The following UNC13C variants were observed in gnomAD, a reference collection of about 807,000 sequenced individuals.
The protein encoded by UNC13C is unc-13 homolog C.
A neutral mutation model predicts 245.4 loss-of-function variants in UNC13C; 174 were observed. The observed-to-expected ratio is 0.71, with a 90% confidence interval of 0.63 to 0.80. UNC13C has a LOEUF of 0.80. UNC13C is among the 30% of genes least tolerant of loss of function. The pLI is 0.00. For synonymous variants in UNC13C, 992 were observed against 895.1 expected (o/e 1.11, Z -1.93); for missense variants, 2,829 against 2,602.9 (o/e 1.09, Z -1.89).
At chr15:54,359,892 A>G (rs1192950917) in intron 17 of UNC13C, among the ~76,000 whole-genome samples, 9 of 151,494 alleles carry the variant, frequency 5.9e-5, no homozygotes, top group African/African-American at 2.2e-4. Flanking sequence ...TATTAAGTTT[A>G]GTTGGTTTTT....
chr15:54,188,786 A>G lies in UNC13C; in HGVS notation c.3071+45102A>G, dbSNP rs546796359. Among the ~76,000 whole-genome samples, 8 of 152,118 alleles carry G rather than the reference A, an allele frequency of 5.3e-5. No homozygotes were observed. In the East Asian group the frequency reaches 1.3e-3, roughly 26 times the overall value. On this transcript the variant is annotated intron_variant, in intron 4 of 32. Coordinates refer to ENST00000260323, the MANE Select transcript of UNC13C (RefSeq NM_001080534.3). ...ATGATCCCTATTTATTAGATACCCT[A>G]TTTGAGGAATTGCATTTATTGGAAA...
chr15:54,427,169 C>G (rs936094624), intron 19 of UNC13C, among the ~76,000 whole-genome samples: 1 of 151,630 alleles, frequency 6.6e-6, no homozygotes, highest in African/African-American at 2.4e-5. Context: ...TGGCTGTGTC[C>G]CCACTGAAAC....
chr15:54,490,443 A>G (rs1204643514), intron 19 of UNC13C, among the ~76,000 whole-genome samples: 1 of 152,176 alleles, frequency 6.6e-6, no homozygotes, highest in East Asian at 1.9e-4. Flanking sequence ...GGGAGTTTGC[A>G]GAGTCCAGGA....
intron 25 of UNC13C, among the ~76,000 whole-genome samples, chr15:54,529,515 G>T (rs1262994494): frequency 6.6e-6 from 1 of 152,118 alleles, no homozygotes; most frequent in Non-Finnish European, 1.5e-5. Context: ...TGCCTGTTCT[G>T]TTCATTGATA....
rs536395766 is a variant in UNC13C at position 54,586,252 on chromosome 15, A to G, written c.6106+18305A>G. Among the ~76,000 whole-genome samples the G allele has an allele frequency of 6.6e-5, 10 of 152,352 alleles. No individual in the cohort carries two copies. In the South Asian group the frequency reaches 2.1e-3, roughly 32 times the overall value. On this transcript the variant is annotated intron_variant, in intron 30 of 32. Transcript: ENST00000260323. ...TTTCCTTACTTTTAACATGGAGAACATATTAGTCATATATTCCTTATAGGC... is the reference window on the plus strand; with the variant it reads ...TTTCCTTACTTTTAACATGGAGAACGTATTAGTCATATATTCCTTATAGGC...
intron 19 of UNC13C, among the ~76,000 whole-genome samples, chr15:54,451,722 T>C (rs1199042156): frequency 6.6e-6 from 1 of 152,248 alleles, no homozygotes; most frequent in Non-Finnish European, 1.5e-5. Context: ...CTGACCTTAT[T>C]TAATATCATT....
At chr15:54,237,738 A>T (rs768381382) in intron 7 of UNC13C, 48 bp downstream of exon 7, 7 of 1,424,356 alleles carry the variant, frequency 4.9e-6, no homozygotes, top group South Asian at 1.2e-5. Context: ...ATTGCTCATA[A>T]TCACAAGGGA....
chr15:54,395,672 A>T (rs1418670772), intron 18 of UNC13C, among the ~76,000 whole-genome samples: 1 of 151,858 alleles, frequency 6.6e-6, no homozygotes, highest in Non-Finnish European at 1.5e-5. Flanking sequence ...ATCCCTGATT[A>T]TTGATTCAGA....
chr15:53,899,564 C>A, the UNC13C span, among the ~76,000 whole-genome samples: 2 of 152,078 alleles, frequency 1.3e-5, no homozygotes, highest in Non-Finnish European at 2.9e-5. Flanking sequence ...CCAAAATGAG[C>A]GCTTAGCTGA....
At chr15:53,932,135 C>G in the UNC13C span, among the ~76,000 whole-genome samples, 1 of 151,950 alleles carries the variant, frequency 6.6e-6, no homozygotes, top group Admixed American at 6.6e-5. Flanking sequence ...ATGGTGAAAC[C>G]CCATCTCTAC....
chr15:53,895,423 A>G, the UNC13C span, among the ~76,000 whole-genome samples: 1 of 151,650 alleles, frequency 6.6e-6, no homozygotes, highest in East Asian at 1.9e-4. Flanking sequence ...AACAGGTTGT[A>G]AGTAATTTAG....
intron 2 of UNC13C, among the ~76,000 whole-genome samples, chr15:54,101,596 T>G (rs925068832): frequency 2.0e-5 from 3 of 152,142 alleles, no homozygotes; most frequent in Non-Finnish European, 4.4e-5. Context: ...CCCTTTTTTT[T>G]TTGACAAGGA....
intron 18 of UNC13C, among the ~76,000 whole-genome samples, chr15:54,399,605 CT>C (rs1474102959): frequency 1.3e-5 from 2 of 151,826 alleles, no homozygotes; most frequent in African/African-American, 4.8e-5. Flanking sequence ...CATTTTCTCT[CT>C]GCATTAAGTG....
chr15:54,108,862 C>G (rs1379562679), intron 2 of UNC13C, among the ~76,000 whole-genome samples: 1 of 152,148 alleles, frequency 6.6e-6, no homozygotes, highest in Non-Finnish European at 1.5e-5. Context: ...CAGATTCAGG[C>G]AACTCTTCAG....
intron 1 of UNC13C, among the ~76,000 whole-genome samples, 177 bp downstream of exon 1, chr15:53,979,104 G>A (rs779295781): frequency 1.3e-5 from 2 of 151,208 alleles, no homozygotes; most frequent in Non-Finnish European, 2.9e-5. Flanking sequence ...ATGATTCTAT[G>A]GAGCATCATG....
intron 7 of UNC13C, among the ~76,000 whole-genome samples, chr15:54,249,182 C>A (rs930337720): frequency 6.6e-6 from 1 of 151,752 alleles, no homozygotes; most frequent in Non-Finnish European, 1.5e-5. Context: ...GAAAAGGACT[C>A]ATTTAACCAA....
intron 2 of UNC13C, among the ~76,000 whole-genome samples, chr15:54,023,633 A>G (rs1895989876): frequency 6.6e-6 from 1 of 152,226 alleles, no homozygotes; most frequent in Non-Finnish European, 1.5e-5. Flanking sequence ...AAGACCCATG[A>G]ACAGGAACAA....
chr15:54,314,079 A>C (rs74432989), intron 13 of UNC13C, among the ~76,000 whole-genome samples: 1 of 141,056 alleles, frequency 7.1e-6, no homozygotes, highest in Non-Finnish European at 1.6e-5. Flanking sequence ...CATCAAAAAA[A>C]AAAAACAAAA....
At chr15:54,032,007 C>G (rs1173708031) in intron 2 of UNC13C, among the ~76,000 whole-genome samples, 1 of 152,112 alleles carries the variant, frequency 6.6e-6, no homozygotes, top group Non-Finnish European at 1.5e-5. Context: ...ATGTAAATAG[C>G]TACCGGAAGT....
Sources: allele counts gnomAD v4.1 joint callset (sites outside exome capture counted in the v4.1 genomes callset), GRCh38; gene constraint gnomAD v4.1.1; transcripts MANE v1.5; gene names NCBI Gene and HGNC (gene_info 2026-07-23, HGNC 2026-07-21).